The following TGS1 variants were observed in gnomAD, a reference collection of about 807,000 sequenced individuals.
TGS1 encodes the protein trimethylguanosine synthase 1.
A neutral mutation model predicts 92.2 loss-of-function variants in TGS1; 69 were observed. The ratio of observed to expected loss-of-function variants is 0.75; its 90% CI spans 0.62 to 0.91. The LOEUF (loss-of-function observed/expected upper bound fraction) is 0.91, where lower values mean the gene tolerates loss of function less well. TGS1 is among the 40% of genes least tolerant of loss of function. The pLI is 0.00. For missense variants in TGS1, 1,062 were observed against 1,001.2 expected, an observed-to-expected ratio of 1.06 and a Z score of -0.82; for synonymous variants, 345 against 338.1, an observed-to-expected ratio of 1.02 and a Z score of -0.22.
At position 55,792,688 on chromosome 8, in the gene TGS1, CTTTA is replaced by C. The variant is rs1261806262; in HGVS notation, c.1281-5_1281-2del. On this transcript the variant is annotated splice_polypyrimidine_tract_variant and splice_region_variant and intron_variant, in intron 5 of 12. Coordinates refer to ENST00000260129, the MANE Select transcript of TGS1 (RefSeq NM_024831.8). ...AATGGCTTATCACTGTTTACCTTTT[CTTTA>C]TTTAGCCATGAACTGGACATTGATG... The C allele has an allele frequency of 1.2e-6, 2 of 1,607,572 alleles. No homozygotes were observed. The highest frequency in any genetic ancestry group is 1.1e-5 in the South Asian group (1 of 90,896).
At chr8:55,784,572 A>G (rs1811656113) in intron 2 of TGS1, among the ~76,000 whole-genome samples, 1 of 152,120 alleles carries the variant, frequency 6.6e-6, no homozygotes, top group South Asian at 2.1e-4. Flanking sequence ...GCAGCCTCTC[A>G]AAATGCTGGG....
intron 1 of TGS1, among the ~76,000 whole-genome samples, chr8:55,777,792 C>A (rs946183425): frequency 6.6e-6 from 1 of 152,114 alleles, no homozygotes; most frequent in African/African-American, 2.4e-5. Flanking sequence ...GCCTTGGCCT[C>A]CCAAAGTGCT....
chr8:55,802,476 GAAC>G lies in TGS1; in HGVS notation c.1872_1874del (p.Asn624del). ...TTTTAGCTGAAGTGAAAAAGAAGAA[GAAC>G]AAGAAGAAGAACAAAAAGGTGAATG... On this transcript the variant is annotated inframe_deletion, in exon 9 of 13. Coordinates refer to ENST00000260129, the MANE Select transcript of TGS1 (RefSeq NM_024831.8). 1 of 1,613,444 alleles carries G rather than the reference GAAC, an allele frequency of 6.2e-7. No individual in the cohort carries two copies. Among genetic ancestry groups the G allele is most frequent in the Non-Finnish European group, 8.5e-7 (1 of 1,179,734 alleles).
rs529510340 is a variant in TGS1 at position 55,773,726 on chromosome 8, A to G, written c.101+7A>G. The G allele has an allele frequency of 1.2e-6, 2 of 1,600,304 alleles. No homozygotes were observed. Among genetic ancestry groups the G allele is most frequent in the Non-Finnish European group, 1.7e-6 (2 of 1,170,218 alleles). On this transcript the variant is annotated splice_region_variant and intron_variant, in intron 1 of 12. Coordinates refer to ENST00000260129, the MANE Select transcript of TGS1 (RefSeq NM_024831.8). Reference sequence around the variant, plus strand: ...GCTCCAGGGCATTTGTGGAGTAAGTAGAAAAGAGAATCTCTTCATGTTCTA... The same window carrying G: ...GCTCCAGGGCATTTGTGGAGTAAGTGGAAAAGAGAATCTCTTCATGTTCTA...
intron 12 of TGS1, among the ~76,000 whole-genome samples, chr8:55,818,544 A>G (rs145578597): frequency 6.6e-6 from 1 of 152,254 alleles, no homozygotes; most frequent in Non-Finnish European, 1.5e-5. Context: ...CCTAATATTT[A>G]CTAGCCAGCT....
At chr8:55,792,936 G>C in intron 6 of TGS1, 152 bp downstream of exon 6, 1 of 597,534 alleles carries the variant, frequency 1.7e-6, no homozygotes, top group Non-Finnish European at 3.0e-6. Flanking sequence ...AGATATCCCT[G>C]TACATTTGAT....
intron 1 of TGS1, among the ~76,000 whole-genome samples, chr8:55,778,607 A>G (rs1432885791): frequency 1.3e-5 from 2 of 152,140 alleles, no homozygotes; most frequent in African/African-American, 4.8e-5. Flanking sequence ...TTTCCCCCCA[A>G]CAGGTTCCTG....
intron 1 of TGS1, 21 bp from the exon 2 acceptor site, chr8:55,782,727 A>G (rs1389861772): frequency 1.3e-6 from 2 of 1,578,022 alleles, no homozygotes; most frequent in East Asian, 4.6e-5. Flanking sequence ...TTCAATATGA[A>G]CTGCTTAATC....
intron 12 of TGS1, among the ~76,000 whole-genome samples, chr8:55,819,433 A>C (rs563286621): frequency 3.1e-4 from 46 of 150,632 alleles, no homozygotes; most frequent in South Asian, 6.3e-4. Context: ...AGTAGCTGGG[A>C]TTACAGGCAT....
rs1389597479 is a variant in TGS1, at chr8:55,798,929, A to G, written c.1558A>G (p.Thr520Ala). 5.0e-6 allele frequency: 8 copies of G among 1,602,366 alleles called. No homozygotes were observed. Among genetic ancestry groups the G allele is most frequent in the Non-Finnish European group, 6.8e-6 (8 of 1,175,510 alleles). Residue 520 changes from threonine (T) to alanine (A), a missense_variant, in exon 8 of 13, where the codon ACA becomes GCA. Physicochemically the swap from Thr to Ala is moderately conservative, Grantham distance 58. Coordinates refer to ENST00000260129, the MANE Select transcript of TGS1 (RefSeq NM_024831.8). ...AAAATTTAAGGTAGAAAAATTCCTCACATGGGTTAATAAACCAATGGATGA... is the reference window on the plus strand; with the variant it reads ...AAAATTTAAGGTAGAAAAATTCCTCGCATGGGTTAATAAACCAATGGATGA... ...KILSKVEKFLTWVNKPMDEEA... is the reference protein window; with the variant it reads ...KILSKVEKFLAWVNKPMDEEA...
intron 1 of TGS1, among the ~76,000 whole-genome samples, chr8:55,775,016 G>A (rs7012301): frequency 0.85 from 129,180 of 152,166 alleles, 55,104 homozygotes; most frequent in East Asian, 0.99. Flanking sequence ...TTAGGAGGCC[G>A]AGGAGTGAGG....
At chr8:55,793,191 A>G (rs1811931545) in intron 6 of TGS1, among the ~76,000 whole-genome samples, 1 of 152,240 alleles carries the variant, frequency 6.6e-6, no homozygotes, top group Non-Finnish European at 1.5e-5. Context: ...TCTATTATGA[A>G]AGAGTAAAAT....
chr8:55,793,877 C>G (rs909609040), intron 6 of TGS1, among the ~76,000 whole-genome samples: 1 of 151,818 alleles, frequency 6.6e-6, no homozygotes, highest in African/African-American at 2.4e-5. Context: ...CTTGGCCTCC[C>G]AAAGTGCTGG....
chr8:55,814,114 G>T (rs992547262), intron 12 of TGS1, among the ~76,000 whole-genome samples: 14 of 151,846 alleles, frequency 9.2e-5, no homozygotes, highest in Non-Finnish European at 2.9e-5. Flanking sequence ...TGCCCAGCTA[G>T]TTTTTTTATT....
intron 11 of TGS1, 28 bp from the exon 12 acceptor site, chr8:55,813,012 T>C (rs746092367): frequency 7.5e-6 from 11 of 1,473,552 alleles, no homozygotes; most frequent in Non-Finnish European, 9.5e-6. Context: ...GCTGCTGTTT[T>C]CATTATTTTT....
Position 55,823,002 on chromosome 8 carries a change from G to A in TGS1, c.2440-1579G>A, listed in dbSNP as rs140272716. ...CAGTTACAGAAAATGCTTGTTTCTC[G>A]TTGTTTATGCCTGTCCCTAATACTT... On this transcript the variant is annotated intron_variant, in intron 12 of 12. Transcript: ENST00000260129. Among the ~76,000 whole-genome samples the A allele has an allele frequency of 4.0e-4, 61 of 152,174 alleles. 1 individual carries two copies. Among genetic ancestry groups the A allele is most frequent in the East Asian group, 2.7e-3 (14 of 5,190 alleles).
Position 55,824,813 on chromosome 8 carries a change from C to A in TGS1, c.*110C>A. 2 of 1,285,616 alleles carry A rather than the reference C, an allele frequency of 1.6e-6. No individual in the cohort carries two copies. Among genetic ancestry groups the A allele is most frequent in the Non-Finnish European group, 2.1e-6 (2 of 932,000 alleles). 79.6% of individuals were successfully genotyped at this position (1,285,616 alleles called of 1,614,324 possible). The stretch of plus-strand genomic sequence containing the variant: ...ATATTTTCTACCCATGGTCTTATAT[C>A]ACCGTATGAAATGGAAACTTACAGG... On this transcript the variant is annotated 3_prime_UTR_variant, in exon 13 of 13. Coordinates refer to ENST00000260129, the MANE Select transcript of TGS1 (RefSeq NM_024831.8).
In TGS1 at chr8:55,798,928, C is replaced by T. The variant is rs571444063; in HGVS notation, c.1557C>T (p.Leu519=). The change falls in exon 8 of 13, where the codon CTC becomes CTT. Residue 519 remains leucine, a synonymous_variant. Transcript: ENST00000260129. ...TAAAATTTAAGGTAGAAAAATTCCT[C>T]ACATGGGTTAATAAACCAATGGATG... ...SKILSKVEKF[L]TWVNKPMDEE... 8.7e-6 allele frequency: 14 copies of T among 1,601,360 alleles called. No individual in the cohort carries two copies. The Admixed American group carries it at 1.9e-4, about 22-fold the overall frequency.
chr8:55,786,847 A>G lies in TGS1; in HGVS notation c.949A>G (p.Ile317Val), dbSNP rs771882048. The change falls in exon 4 of 13, where the codon ATA becomes GTA. Residue 317 changes from isoleucine to valine, a missense_variant. Ile to Val is a conservative substitution (Grantham distance 29, BLOSUM62 3). Transcript: ENST00000260129. ...TACAAGTGATAAGGATCATAGTGAA[A>G]TACTTGATGGAATTAGTAACATAAA... ...SGTSDKDHSE[I>V]LDGISNIKLN... 6.2e-7 allele frequency: 1 copy of G among 1,614,150 alleles called. No homozygotes were observed. The highest frequency in any genetic ancestry group is 8.5e-7 in the Non-Finnish European group (1 of 1,179,996).
Sources: gnomAD v4.1 joint callset for allele counts (sites outside exome capture counted in the v4.1 genomes callset) on GRCh38, gnomAD v4.1.1 for gene constraint, MANE v1.5 for transcripts, NCBI Gene and HGNC (gene_info 2026-07-23, HGNC 2026-07-21) for gene names.